The following MACF1 variants were observed in gnomAD, a reference collection of about 807,000 sequenced individuals.
MACF1 encodes microtubule-actin cross-linking factor 1.
Under a neutral mutation model 854.8 loss-of-function variants are expected in MACF1, and 193 were observed. The ratio of observed to expected loss-of-function variants is 0.23; its 90% CI spans 0.20 to 0.25. The LOEUF (loss-of-function observed/expected upper bound fraction) is 0.25. Ranked by LOEUF, MACF1 falls within the 10% of genes least tolerant of loss-of-function variation. MACF1 has a pLI of 1.00. For missense variants in MACF1, 7,722 were observed against 8,929.1 expected (o/e 0.86, Z 5.45); for synonymous variants, 3,185 against 3,226.7 (o/e 0.99, Z 0.44).
chr1:39,087,683 T>C (rs1380358272), intron 2 of MACF1, among the ~76,000 whole-genome samples: 5 of 152,236 alleles, frequency 3.3e-5, no homozygotes, highest in Admixed American at 3.3e-4. Flanking sequence ...GCAGGACATA[T>C]GTTAGCATCC....
At chr1:39,435,532 T>C (rs550175014) in intron 69 of MACF1, 26 bp from the exon 70 acceptor site, 1 of 1,573,824 alleles carries the variant, frequency 6.4e-7, no homozygotes, top group East Asian at 2.2e-5. Flanking sequence ...AAGTACTCAT[T>C]ATGGTTTAAT....
chr1:39,382,573 A>G (rs944851683), intron 56 of MACF1, among the ~76,000 whole-genome samples: 2 of 151,816 alleles, frequency 1.3e-5, no homozygotes, highest in South Asian at 4.2e-4. Context: ...GCGTGGTGGC[A>G]TGTGCCTGAA....
chr1:39,239,319 C>T (rs1381670402), intron 2 of MACF1, among the ~76,000 whole-genome samples: 17 of 151,752 alleles, frequency 1.1e-4, no homozygotes. Context: ...AAACAAAAAA[C>T]ACCACAAACC....
chr1:39,213,984 G>A (rs1374749089), intron 1 of MACF1, among the ~76,000 whole-genome samples: 1 of 152,152 alleles, frequency 6.6e-6, no homozygotes, highest in Non-Finnish European at 1.5e-5. Flanking sequence ...CAGGTCATAG[G>A]GCTTGTTTAA....
chr1:39,217,618 C>T (rs1644592609), intron 1 of MACF1, among the ~76,000 whole-genome samples: 1 of 152,152 alleles, frequency 6.6e-6, no homozygotes, highest in Non-Finnish European at 1.5e-5. Flanking sequence ...GTGGCTCATG[C>T]CTATAATCGC....
At chr1:39,093,165 C>T (rs527543658) in intron 2 of MACF1, among the ~76,000 whole-genome samples, 10 of 152,166 alleles carry the variant, frequency 6.6e-5, no homozygotes, top group African/African-American at 2.4e-4. Flanking sequence ...GACTTCTCCC[C>T]GCCAGCAAGT....
At position 39,333,484 on chromosome 1, in the gene MACF1, AT is replaced by A; in HGVS notation, c.6897del (p.His2299GlnfsTer10). 2.5e-6 allele frequency: 4 copies of A among 1,614,226 alleles called. No individual in the cohort carries two copies. Among genetic ancestry groups the A allele is most frequent in the Non-Finnish European group, 3.4e-6 (4 of 1,180,038 alleles). ...SAQLLDGGIF[H>X]EQTGQKLLLN... Reference sequence around the variant, plus strand: ...CAGTTACTAGATGGTGGTATCTTTCATGAACAAACAGGTCAAAAGCTCTTAC... The same window carrying A: ...CAGTTACTAGATGGTGGTATCTTTCAGAACAAACAGGTCAAAAGCTCTTAC... On this transcript the variant is annotated frameshift_variant, in exon 37 of 101. Coordinates refer to ENST00000564288, the MANE Select transcript of MACF1 (RefSeq NM_001394062.1). LOFTEE classifies it high-confidence loss of function.
At chr1:39,347,301 C>A in intron 41 of MACF1, 91 bp downstream of exon 41, 1 of 973,172 alleles carries the variant, frequency 1.0e-6, no homozygotes, top group Non-Finnish European at 1.6e-6. Context: ...ATCATGATTG[C>A]AGGAGCCTGG....
chr1:39,417,982 G>C, intron 58 of MACF1, among the ~76,000 whole-genome samples: 1 of 151,800 alleles, frequency 6.6e-6, no homozygotes, highest in Non-Finnish European at 1.5e-5. Flanking sequence ...GAGTGGAGGA[G>C]GCAGATATTA....
rs149445958 is a variant in MACF1 at position 39,332,345 on chromosome 1, G to T, written c.5757G>T (p.Ser1919=). The change falls in exon 37 of 101, where the codon TCG becomes TCT. Residue 1919 remains serine (S), a synonymous_variant. Coordinates refer to ENST00000564288, the MANE Select transcript of MACF1 (RefSeq NM_001394062.1). The part of the protein sequence containing the change: ...LDRDLANNLK[S]ICIPDVMPHM... Reference sequence around the variant, plus strand: ...GAGATCTTGCCAATAACTTAAAATCGATTTGTATACCTGATGTGATGCCCC... The same window carrying T: ...GAGATCTTGCCAATAACTTAAAATCTATTTGTATACCTGATGTGATGCCCC... 4.3e-6 allele frequency: 7 copies of T among 1,613,958 alleles called. No homozygotes were observed. In the East Asian group the frequency reaches 1.3e-4, roughly 31 times the overall value.
chr1:39,408,209 T>G (rs371587764), intron 58 of MACF1, among the ~76,000 whole-genome samples: 29 of 152,288 alleles, frequency 1.9e-4, no homozygotes, highest in African/African-American at 7.0e-4. Context: ...CACCCCATTT[T>G]CTTCCGTCAT....
chr1:39,123,716 T>TG (rs1491392814), intron 2 of MACF1, among the ~76,000 whole-genome samples: 1 of 87,490 alleles, frequency 1.1e-5, no homozygotes, highest in Non-Finnish European at 2.4e-5. Flanking sequence ...ATTCTTGTTT[T>TG]GTTTTTTTTT....
At chr1:39,412,494 C>A in intron 58 of MACF1, 1 of 1,613,986 alleles carries the variant, frequency 6.2e-7, no homozygotes, top group Non-Finnish European at 8.5e-7. Context: ...ACAGAAACTT[C>A]CCAGAGCAGG....
At chr1:39,111,366 T>TTTTTTTTATTTA (rs139825766) in intron 2 of MACF1, among the ~76,000 whole-genome samples, 2 of 148,142 alleles carry the variant, frequency 1.4e-5, no homozygotes, top group African/African-American at 5.1e-5. Context: ...CAGCTAATTA[T>TTTTTTTTATTTA]TTTATTTATT....
intron 58 of MACF1, among the ~76,000 whole-genome samples, chr1:39,398,129 C>G (rs2148588044): frequency 6.6e-6 from 1 of 150,410 alleles, no homozygotes; most frequent in East Asian, 1.9e-4. Flanking sequence ...ACTCCCACTC[C>G]CCGCCACTCC....
chr1:39,318,337 A>T lies in MACF1; in HGVS notation c.3783-116A>T. 3 of 868,994 alleles carry T rather than the reference A, an allele frequency of 3.5e-6. No individual in the cohort carries two copies. The South Asian group carries it at 5.0e-5, about 15-fold the overall frequency. 53.8% of individuals were successfully genotyped at this position (868,994 alleles called of 1,614,324 possible). ...GCATCGCTGTTCCCCGTAGATAAAG[A>T]TGGATCGTTTGTGGTCAAGCCCAGC... On this transcript the variant is annotated intron_variant, in intron 29 of 100. Coordinates refer to ENST00000564288, the MANE Select transcript of MACF1 (RefSeq NM_001394062.1).
intron 2 of MACF1, among the ~76,000 whole-genome samples, chr1:39,136,022 T>C (rs995001250): frequency 6.6e-6 from 1 of 152,204 alleles, no homozygotes; most frequent in African/African-American, 2.4e-5. Context: ...TATGTACCTA[T>C]ATGTGTACAC....
At chr1:39,153,059 T>C (rs1281640706) in intron 2 of MACF1, among the ~76,000 whole-genome samples, 7 of 152,186 alleles carry the variant, frequency 4.6e-5, no homozygotes, top group African/African-American at 1.7e-4. Flanking sequence ...ATGGAGTTGA[T>C]GAGAGAAACT....
intron 2 of MACF1, among the ~76,000 whole-genome samples, chr1:39,172,664 C>T (rs1643967804): frequency 6.6e-6 from 1 of 152,236 alleles, no homozygotes; most frequent in South Asian, 2.1e-4. Context: ...GTTCACCACT[C>T]TAACAGAGTC....
Sources: allele counts gnomAD v4.1 joint callset (sites outside exome capture counted in the v4.1 genomes callset), GRCh38; gene constraint gnomAD v4.1.1; transcripts MANE v1.5; gene names NCBI Gene and HGNC (gene_info 2026-07-23, HGNC 2026-07-21).